The following ERBB4 variants were observed in gnomAD, a reference collection of about 807,000 sequenced individuals.
ERBB4 encodes the protein erb-b2 receptor tyrosine kinase 4, also known as receptor tyrosine-protein kinase erbB-4.
A neutral mutation model predicts 158.0 loss-of-function variants in ERBB4; 42 were observed. That is an observed-to-expected ratio of 0.27 (90% CI 0.21 to 0.34). ERBB4 has a LOEUF of 0.34. Ranked by LOEUF, ERBB4 falls within the 10% of genes least tolerant of loss-of-function variation. The probability of loss-of-function intolerance (pLI) is 1.00; values close to 1 mark genes in which losing one functional copy is unlikely to be tolerated. For missense variants in ERBB4, 1,333 were observed against 1,624.1 expected (o/e 0.82, Z 3.08); for synonymous variants, 583 against 558.7 (o/e 1.04, Z -0.61).
At chr2:211,650,074 C>T (rs2105879360) in intron 16 of ERBB4, among the ~76,000 whole-genome samples, 1 of 151,946 alleles carries the variant, frequency 6.6e-6, no homozygotes, top group South Asian at 2.1e-4. Context: ...TTTATGTAAC[C>T]ACATCACAGA....
intron 1 of ERBB4, among the ~76,000 whole-genome samples, chr2:212,269,370 A>G (rs935936895): frequency 6.6e-6 from 1 of 151,808 alleles, no homozygotes; most frequent in Non-Finnish European, 1.5e-5. Context: ...TACCTTAACA[A>G]CATACAAAAT....
intron 2 of ERBB4, among the ~76,000 whole-genome samples, chr2:212,072,540 G>C (rs1351054726): frequency 1.3e-5 from 2 of 151,982 alleles, no homozygotes; most frequent in African/African-American, 2.4e-5. Flanking sequence ...GAATTCCCTG[G>C]AGAAAGATGT....
At chr2:211,983,211 G>A (rs1453977372) in intron 2 of ERBB4, among the ~76,000 whole-genome samples, 1 of 152,148 alleles carries the variant, frequency 6.6e-6, no homozygotes, top group African/African-American at 2.4e-5. Context: ...AAATGAGATG[G>A]CAGTGGCATG....
chr2:212,357,114 T>G (rs564507985), intron 1 of ERBB4, among the ~76,000 whole-genome samples: 1 of 151,936 alleles, frequency 6.6e-6, no homozygotes, highest in Non-Finnish European at 1.5e-5. Context: ...AAATTTGCTA[T>G]TCCTGGATAT....
At chr2:211,668,997 C>T (rs1291071006) in intron 14 of ERBB4, among the ~76,000 whole-genome samples, 1 of 151,750 alleles carries the variant, frequency 6.6e-6, no homozygotes, top group Non-Finnish European at 1.5e-5. Flanking sequence ...CCTAGGTGGG[C>T]AGATCACTTG....
chr2:212,238,242 C>T (rs186862467), intron 1 of ERBB4, among the ~76,000 whole-genome samples: 14 of 152,286 alleles, frequency 9.2e-5, no homozygotes, highest in East Asian at 7.7e-4. Context: ...TGTTGGGTTG[C>T]GAAGACTGTA....
At chr2:212,198,315 A>T (rs572071317) in intron 1 of ERBB4, among the ~76,000 whole-genome samples, 3 of 152,112 alleles carry the variant, frequency 2.0e-5, no homozygotes, top group Non-Finnish European at 4.4e-5. Context: ...TCATTTCCAG[A>T]TATTTTTTAT....
At chr2:211,579,121 C>A (rs753272935) in intron 19 of ERBB4, among the ~76,000 whole-genome samples, 1 of 151,968 alleles carries the variant, frequency 6.6e-6, no homozygotes, top group African/African-American at 2.4e-5. Flanking sequence ...ACAAACAATC[C>A]CACTAAAAAG....
chr2:212,304,933 C>T (rs978964264), intron 1 of ERBB4, among the ~76,000 whole-genome samples: 8 of 150,598 alleles, frequency 5.3e-5, no homozygotes, highest in African/African-American at 1.2e-4. Context: ...TGTGTGTATG[C>T]GTACATGTCT....
chr2:211,926,038 C>A (rs1301216435), intron 3 of ERBB4, among the ~76,000 whole-genome samples: 10 of 151,864 alleles, frequency 6.6e-5, no homozygotes, highest in Admixed American at 6.6e-4. Flanking sequence ...TGATCTTTTG[C>A]GGAGGAAAAG....
intron 1 of ERBB4, among the ~76,000 whole-genome samples, chr2:212,306,867 C>A (rs1298622599): frequency 3.3e-5 from 5 of 150,834 alleles, no homozygotes; most frequent in Non-Finnish European, 5.9e-5. Flanking sequence ...TAAATAAAAA[C>A]CAATTAAAAT....
chr2:211,808,845 C>A (rs1175520863), intron 3 of ERBB4, among the ~76,000 whole-genome samples: 2 of 152,138 alleles, frequency 1.3e-5, no homozygotes, highest in East Asian at 1.9e-4. Context: ...TCTTTCACAT[C>A]CCTTGTAAGT....
At chr2:211,499,725 A>AAC (rs2065568904) in intron 20 of ERBB4, among the ~76,000 whole-genome samples, 1 of 152,110 alleles carries the variant, frequency 6.6e-6, no homozygotes, top group African/African-American at 2.4e-5. Context: ...TCAGAATTTT[A>AAC]ACAATAGGGT....
At chr2:212,312,903 T>A (rs10932434) in intron 1 of ERBB4, among the ~76,000 whole-genome samples, 1 of 150,574 alleles carries the variant, frequency 6.6e-6, no homozygotes, top group African/African-American at 2.4e-5. Flanking sequence ...AAAATCAGTA[T>A]ATTTTTAAAA....
At position 211,386,730 on chromosome 2, in the gene ERBB4, A is replaced by G; in HGVS notation, c.3481+123T>C. ...ACCATACTACAAGTAGCAGTAGCCT[A>G]GGCCTTTACTGGATCACAAATGTTG... On this transcript the variant is annotated intron_variant, in intron 27 of 27. Transcript: ENST00000342788. The G allele has an allele frequency of 4.8e-6, 4 of 833,482 alleles. No individual in the cohort carries two copies. The South Asian group carries it at 5.7e-5, about 12-fold the overall frequency. 51.6% of individuals were successfully genotyped at this position (833,482 alleles called of 1,614,324 possible).
At position 211,631,284 on chromosome 2, in the gene ERBB4, G is replaced by A. The variant is rs560322026; in HGVS notation, c.1947-690C>T. Among the ~76,000 whole-genome samples the A allele has an allele frequency of 2.5e-4, 38 of 152,182 alleles. 1 individual carries two copies. The South Asian group carries it at 7.9e-3, about 32-fold the overall frequency. ...AACCCCACACCTCTGGAGTATAAGGGTACCAATAAGAGAGTTATTATTGCC... is the reference window on the plus strand; with the variant it reads ...AACCCCACACCTCTGGAGTATAAGGATACCAATAAGAGAGTTATTATTGCC... On this transcript the variant is annotated intron_variant, in intron 16 of 27. Transcript: ENST00000342788.
chr2:212,423,427 C>G (rs1237421780), intron 1 of ERBB4, among the ~76,000 whole-genome samples: 1 of 152,108 alleles, frequency 6.6e-6, no homozygotes, highest in Non-Finnish European at 1.5e-5. Flanking sequence ...CTAGTAATGT[C>G]AAGAGTTGGT....
At chr2:211,519,978 A>T (rs926660665) in intron 20 of ERBB4, among the ~76,000 whole-genome samples, 1 of 152,210 alleles carries the variant, frequency 6.6e-6, no homozygotes, top group African/African-American at 2.4e-5. Flanking sequence ...CTTATCTATC[A>T]GTGATACCTC....
chr2:211,479,123 C>A (rs2065024741), intron 20 of ERBB4, among the ~76,000 whole-genome samples: 1 of 152,094 alleles, frequency 6.6e-6, no homozygotes, highest in South Asian at 2.1e-4. Context: ...GCAAATATTG[C>A]TGGGCCCCAG....
Sources: allele counts gnomAD v4.1 joint callset (sites outside exome capture counted in the v4.1 genomes callset), GRCh38; gene constraint gnomAD v4.1.1; transcripts MANE v1.5; gene names NCBI Gene and HGNC (gene_info 2026-07-23, HGNC 2026-07-21).